The following SPG11 variants were observed in gnomAD, a reference collection of about 807,000 sequenced individuals.
SPG11 encodes the protein SPG11 vesicle trafficking associated, spatacsin, also known as spatacsin.
SPG11 carries 222 observed loss-of-function variants against 274.0 expected under a neutral mutation model. That is an observed-to-expected ratio of 0.81 (90% CI 0.73 to 0.91). The LOEUF is 0.91. Ranked by LOEUF, SPG11 falls within the 40% of genes least tolerant of loss-of-function variation. SPG11 has a pLI of 0.00. For synonymous variants in SPG11, 1,144 were observed against 1,039.7 expected, an observed-to-expected ratio of 1.10 and a Z score of -1.93; for missense variants, 3,114 against 2,872.7, an observed-to-expected ratio of 1.08 and a Z score of -1.92.
chr15:44,629,162 C>T, intron 9 of SPG11, 71 bp downstream of exon 9: 1 of 1,536,326 alleles, frequency 6.5e-7, no homozygotes, highest in Admixed American at 1.7e-5. Flanking sequence ...CTGTGTCACC[C>T]AATAGCAGCA....
At chr15:44,627,906 G>A (rs2083949923) in intron 10 of SPG11, among the ~76,000 whole-genome samples, 1 of 152,070 alleles carries the variant, frequency 6.6e-6, no homozygotes, top group Non-Finnish European at 1.5e-5. Context: ...TACTTTTTAA[G>A]GTTACAGAAT....
chr15:44,563,783 T>C (rs1444698280), intron 39 of SPG11, among the ~76,000 whole-genome samples: 2 of 152,160 alleles, frequency 1.3e-5, no homozygotes, highest in African/African-American at 4.8e-5. Context: ...TGCACCACTG[T>C]GCCCACCTTA....
In SPG11 at chr15:44,628,908, T is replaced by C. The variant is rs1425942891; in HGVS notation, c.1892-64A>G. 2.8e-6 allele frequency: 4 copies of C among 1,426,568 alleles called. No homozygotes were observed. The African/African-American group carries it at 5.6e-5, about 20-fold the overall frequency. The allele number at this position is 1,426,568 out of a possible 1,614,324, so 88.4% of individuals were successfully genotyped here. On this transcript the variant is annotated intron_variant, in intron 9 of 39. Coordinates refer to ENST00000261866, the MANE Select transcript of SPG11 (RefSeq NM_025137.4). ...TGTAAATATAAACCATGAGCTGTTA[T>C]AAAGAATTCTAAAGAAAGTCAAAAT...
In SPG11 at chr15:44,589,236, G is replaced by A. The variant is rs2082841325; in HGVS notation, c.4906+16C>T. 6.2e-7 allele frequency: 1 copy of A among 1,612,982 alleles called. No individual in the cohort carries two copies. Among genetic ancestry groups the A allele is most frequent in the East Asian group, 2.2e-5 (1 of 44,880 alleles). On this transcript the variant is annotated intron_variant, in intron 28 of 39. Transcript: ENST00000261866. ...CTAACTTCTTAATAGCAACTTAACT[G>A]TAAGGATTGTCTTACCATCAGAGAA...
At position 44,599,165 on chromosome 15, in the gene SPG11, TA is replaced by T. The variant is rs2083120284; in HGVS notation, c.3687-330del. Among the ~76,000 whole-genome samples the T allele has an allele frequency of 4.6e-5, 7 of 152,324 alleles. No homozygotes were observed. In the South Asian group the frequency reaches 1.4e-3, roughly 32 times the overall value. ...TGTGATCTTATCAATTATGAGTACG[TA>T]TACAAACTACGAAGAATATCAATGC... On this transcript the variant is annotated intron_variant, in intron 21 of 39. Transcript: ENST00000261866.
chr15:44,621,835 T>G lies in SPG11; in HGVS notation c.2544A>C (p.Arg848Ser), dbSNP rs745909015. The G allele has an allele frequency of 6.2e-7, 1 of 1,613,970 alleles. No individual in the cohort carries two copies. The highest frequency in any genetic ancestry group is 1.1e-5 in the South Asian group (1 of 91,082). The change falls in exon 14 of 40, where the codon AGA becomes AGC. Residue 848 changes from arginine to serine, a missense_variant. Transcript: ENST00000261866. The part of the protein sequence containing the change: ...CKDEFNKQDH[R>S]IVLNWALWWD... ...ACCACAGAGCCCAATTTAACACAAT[T>G]CTATGGTCCTGTTTGTTAAATTCAT...
intron 24 of SPG11, 85 bp downstream of exon 24, chr15:44,596,699 T>C (rs542266475): frequency 1.5e-5 from 10 of 655,560 alleles, no homozygotes; most frequent in Admixed American, 1.2e-4. Flanking sequence ...AAGGCCTATG[T>C]CATGTCTACA....
At chr15:44,659,974 T>C (rs1051077622) in intron 2 of SPG11, among the ~76,000 whole-genome samples, 6 of 152,042 alleles carry the variant, frequency 3.9e-5, no homozygotes, top group African/African-American at 1.4e-4. Context: ...GGTGGGACAA[T>C]CAGTTGAACT....
At chr15:44,627,166 T>C (rs961904345) in intron 10 of SPG11, among the ~76,000 whole-genome samples, 2 of 151,958 alleles carry the variant, frequency 1.3e-5, no homozygotes, top group Non-Finnish European at 2.9e-5. Flanking sequence ...TACAGAAAAA[T>C]ATCCAGGCAG....
At chr15:44,587,710 A>AC (rs1567141712) in intron 28 of SPG11, among the ~76,000 whole-genome samples, 1 of 150,912 alleles carries the variant, frequency 6.6e-6, no homozygotes, top group African/African-American at 2.4e-5. Context: ...AAAAAAAAAA[A>AC]AAAAAAAAAA....
intron 3 of SPG11, 90 bp downstream of exon 3, chr15:44,658,989 C>A (rs2085021745): frequency 1.6e-6 from 2 of 1,248,828 alleles, no homozygotes; most frequent in Admixed American, 3.5e-5. Flanking sequence ...TCCTATATCC[C>A]AGCTCCCAAA....
chr15:44,570,317 T>G (rs910928592), intron 34 of SPG11, among the ~76,000 whole-genome samples: 1 of 152,204 alleles, frequency 6.6e-6, no homozygotes, highest in African/African-American at 2.4e-5. Context: ...ATCTTCTCCC[T>G]TTCGCTCCTT....
chr15:44,641,841 A>G (rs2084452828), intron 7 of SPG11, among the ~76,000 whole-genome samples: 1 of 150,058 alleles, frequency 6.7e-6, no homozygotes. Context: ...TGATCAAGCA[A>G]TTCTGCTTTC....
intron 10 of SPG11, among the ~76,000 whole-genome samples, chr15:44,627,665 C>T (rs1222281514): frequency 6.6e-6 from 1 of 151,958 alleles, no homozygotes; most frequent in African/African-American, 2.4e-5. Flanking sequence ...TCTCAGCTCA[C>T]CGCAACCTCC....
At chr15:44,626,185 G>A in intron 11 of SPG11, 146 bp downstream of exon 11, 1 of 690,574 alleles carries the variant, frequency 1.4e-6, no homozygotes, top group Non-Finnish European at 2.3e-6. Flanking sequence ...GCCATTCTCA[G>A]TGTTATTAAT....
At chr15:44,586,466 AC>A (rs1259222807) in intron 28 of SPG11, among the ~76,000 whole-genome samples, 1 of 151,086 alleles carries the variant, frequency 6.6e-6, no homozygotes, top group African/African-American at 2.4e-5. Context: ...ATATGGTGAA[AC>A]CCCGTCTCTA....
intron 7 of SPG11, among the ~76,000 whole-genome samples, chr15:44,643,490 A>C (rs1720683348): frequency 1.3e-5 from 2 of 152,174 alleles, no homozygotes; most frequent in African/African-American, 4.8e-5. Flanking sequence ...AGAATGCAAA[A>C]GAATGAAGTT....
chr15:44,578,082 T>C (rs1266481546), intron 30 of SPG11, among the ~76,000 whole-genome samples: 2 of 150,136 alleles, frequency 1.3e-5, no homozygotes, highest in Non-Finnish European at 3.0e-5. Flanking sequence ...TGGAGTGCAT[T>C]GGCGTGATCT....
chr15:44,617,076 A>G (rs2083608106), intron 15 of SPG11, among the ~76,000 whole-genome samples: 1 of 152,130 alleles, frequency 6.6e-6, no homozygotes, highest in South Asian at 2.1e-4. Context: ...GGGTTCTACT[A>G]CGAGACCCCA....
Sources: allele counts gnomAD v4.1 joint callset (sites outside exome capture counted in the v4.1 genomes callset), GRCh38; gene constraint gnomAD v4.1.1; transcripts MANE v1.5; gene names NCBI Gene and HGNC (gene_info 2026-07-23, HGNC 2026-07-21).